Variants in BMPER observed in about 807,000 individuals in gnomAD.
The protein encoded by BMPER is BMP binding endothelial regulator.
BMPER carries 45 observed loss-of-function variants against 87.3 expected under a neutral mutation model. The observed-to-expected ratio is 0.52, with a 90% CI of 0.41 to 0.66. The LOEUF is 0.66. Among genes scored for constraint, BMPER ranks in the 30% least tolerant of loss-of-function variants. The pLI is 0.00. For missense variants in BMPER, 784 were observed against 867.5 expected (o/e 0.90, Z 1.21); for synonymous variants, 326 against 316.2 (o/e 1.03, Z -0.33).
chr7:34,050,856 A>T (rs1788129414), intron 7 of BMPER, among the ~76,000 whole-genome samples: 1 of 152,180 alleles, frequency 6.6e-6, no homozygotes, highest in Admixed American at 6.5e-5. Flanking sequence ...AGTTCTACAG[A>T]GATACTATGC....
chr7:33,957,107 C>T (rs77174285), intron 3 of BMPER, among the ~76,000 whole-genome samples: 1 of 152,148 alleles, frequency 6.6e-6, no homozygotes, highest in Non-Finnish European at 1.5e-5. Context: ...GCCAGTGAAA[C>T]AAAAACTTGT....
At chr7:34,142,871 A>G (rs1327869898) in intron 13 of BMPER, among the ~76,000 whole-genome samples, 1 of 152,228 alleles carries the variant, frequency 6.6e-6, no homozygotes, top group East Asian at 1.9e-4. Flanking sequence ...TAAGTTAATT[A>G]AAATAAAAGC....
intron 13 of BMPER, among the ~76,000 whole-genome samples, chr7:34,123,309 T>C (rs1790309115): frequency 6.6e-6 from 1 of 152,218 alleles, no homozygotes; most frequent in Admixed American, 6.5e-5. Flanking sequence ...GTGCTATCTT[T>C]TAGCACTAAG....
In BMPER at chr7:33,905,629, G is replaced by C. The variant is rs142872640; in HGVS notation, c.16G>C (p.Gly6Arg). ...CCAGGTGACGATGCTCTGGTTCTCC[G>C]GCGTCGGGGCTCTGGCTGAGCGTTA... is the stretch of plus-strand genomic sequence containing the variant. MLWFS[G>R]VGALAERYCR... The change falls in exon 1 of 15, where the codon GGC becomes CGC. Residue 6 changes from glycine to arginine, a missense_variant. Transcript: ENST00000649409. 5.0e-6 allele frequency: 8 copies of C among 1,612,858 alleles called. No individual in the cohort carries two copies. In the African/African-American group the frequency reaches 9.4e-5, roughly 19 times the overall value.
intron 3 of BMPER, among the ~76,000 whole-genome samples, chr7:33,943,414 T>G (rs1784812747): frequency 6.6e-6 from 1 of 152,230 alleles, no homozygotes; most frequent in African/African-American, 2.4e-5. Context: ...TCAACTCTTG[T>G]ATGGATTCCA....
At chr7:34,086,423 G>A (rs1367144796) in intron 13 of BMPER, among the ~76,000 whole-genome samples, 2 of 152,128 alleles carry the variant, frequency 1.3e-5, no homozygotes, top group Non-Finnish European at 2.9e-5. Flanking sequence ...CCAAATTCTG[G>A]CCTAAACCAC....
chr7:33,906,423 A>G (rs972519210), intron 1 of BMPER, among the ~76,000 whole-genome samples: 10 of 152,058 alleles, frequency 6.6e-5, no homozygotes, highest in African/African-American at 1.7e-4. Flanking sequence ...GTTTTGGTCA[A>G]TTTAAAATCT....
chr7:33,998,927 C>T (rs866124443), intron 6 of BMPER, among the ~76,000 whole-genome samples: 1 of 152,072 alleles, frequency 6.6e-6, no homozygotes, highest in Non-Finnish European at 1.5e-5. Flanking sequence ...GGAGAGAAGC[C>T]TCTAGTGTTG....
rs373532930 is a variant in BMPER at position 33,937,360 on chromosome 7, G to A, written c.291G>A (p.Gln97=). 6 of 1,614,086 alleles carry A rather than the reference G, an allele frequency of 3.7e-6. No homozygotes were observed. In the African/African-American group the frequency reaches 8.0e-5, roughly 22 times the overall value. ...GAGACTGTGCCCTGGCCATCAAGCA[G>A]AGGGGAGCCTGTTGTGAACAGTGCA... ...LSRDCALAIK[Q]RGACCEQCKG... is the part of the protein sequence containing the mutation. Residue 97 remains glutamine (Q), a synonymous_variant, in exon 3 of 15, where the codon CAG becomes CAA. Coordinates refer to ENST00000649409, the MANE Select transcript of BMPER (RefSeq NM_001365308.1).
chr7:34,127,550 C>G (rs13246360), intron 13 of BMPER, among the ~76,000 whole-genome samples: 25,913 of 152,042 alleles, frequency 0.17, 2,402 homozygotes, highest in Non-Finnish European at 0.2. Context: ...CCACACCACT[C>G]CCTGGATGTT....
At chr7:33,932,582 G>A (rs568475415) in intron 2 of BMPER, among the ~76,000 whole-genome samples, 2 of 152,238 alleles carry the variant, frequency 1.3e-5, no homozygotes, top group South Asian at 2.1e-4. Flanking sequence ...AGGCAGACAC[G>A]AGGTATTTTC....
chr7:34,113,986 C>T (rs1283039483), intron 13 of BMPER, among the ~76,000 whole-genome samples: 1 of 152,182 alleles, frequency 6.6e-6, no homozygotes, highest in African/African-American at 2.4e-5. Flanking sequence ...CGTCTTCTCT[C>T]TTACTGACAG....
intron 6 of BMPER, among the ~76,000 whole-genome samples, chr7:34,001,183 A>C (rs1218878137): frequency 2.0e-5 from 3 of 151,950 alleles, no homozygotes; most frequent in Non-Finnish European, 1.5e-5. Context: ...TAAAGGCTTC[A>C]TAGAACAGGT....
intron 6 of BMPER, among the ~76,000 whole-genome samples, chr7:34,012,624 C>T (rs2127941935): frequency 6.6e-6 from 1 of 151,910 alleles, no homozygotes; most frequent in South Asian, 2.1e-4. Flanking sequence ...GAGAGGTATA[C>T]ACCATCTCAA....
intron 11 of BMPER, among the ~76,000 whole-genome samples, chr7:34,065,203 ACTCTCTCTCTCTCTCT>A (rs70997564): frequency 0.015 from 1,480 of 97,390 alleles, 26 homozygotes; most frequent in African/African-American, 0.066. Context: ...ATACACACTC[ACTCTCTCTCTCTCTCT>A]CTCTCTCTCT....
intron 6 of BMPER, among the ~76,000 whole-genome samples, chr7:34,004,415 C>T (rs1272398317): frequency 6.6e-6 from 1 of 152,066 alleles, no homozygotes; most frequent in African/African-American, 2.4e-5. Context: ...ATATTGCTTA[C>T]TTTATGTGTC....
At chr7:34,135,501 C>A (rs938767999) in intron 13 of BMPER, among the ~76,000 whole-genome samples, 3 of 152,154 alleles carry the variant, frequency 2.0e-5, no homozygotes, top group African/African-American at 7.2e-5. Context: ...AGCTGCCCTG[C>A]AGGAAAACCA....
chr7:34,152,425 A>G (rs939410338), intron 14 of BMPER, among the ~76,000 whole-genome samples: 4 of 152,136 alleles, frequency 2.6e-5, no homozygotes, highest in African/African-American at 9.7e-5. Flanking sequence ...ATCTCTCATA[A>G]TTTTGTGAAA....
intron 13 of BMPER, among the ~76,000 whole-genome samples, chr7:34,142,128 A>G (rs1286097541): frequency 6.6e-6 from 1 of 152,220 alleles, no homozygotes; most frequent in Admixed American, 6.5e-5. Flanking sequence ...TGAAAAATAT[A>G]AGGATAGTTT....
Sources: allele counts gnomAD v4.1 joint callset (sites outside exome capture counted in the v4.1 genomes callset), GRCh38; gene constraint gnomAD v4.1.1; transcripts MANE v1.5; gene names NCBI Gene and HGNC (gene_info 2026-07-23, HGNC 2026-07-21).